Variants in DIAPH3 observed in about 807,000 individuals in gnomAD.
The protein encoded by DIAPH3 is protein diaphanous homolog 3.
A neutral mutation model predicts 144.3 loss-of-function variants in DIAPH3; 117 were observed. The ratio of observed to expected loss-of-function variants is 0.81; its 90% CI spans 0.70 to 0.95. DIAPH3 has a LOEUF of 0.95. Among genes scored for constraint, DIAPH3 ranks in the 40% least tolerant of loss-of-function variants. The probability of loss-of-function intolerance (pLI) is 0.00; values close to 1 mark genes in which losing one functional copy is unlikely to be tolerated. For missense variants in DIAPH3, 1,421 were observed against 1,412.7 expected (o/e 1.01, Z -0.09); for synonymous variants, 519 against 488.9 (o/e 1.06, Z -0.81).
chr13:59,703,836 AC>A (rs925537247), intron 27 of DIAPH3, among the ~76,000 whole-genome samples: 2 of 152,194 alleles, frequency 1.3e-5, no homozygotes, highest in African/African-American at 2.4e-5. Flanking sequence ...TATTAAAAAA[AC>A]AAAATATAAA....
chr13:59,984,409 T>G (rs550892788), intron 12 of DIAPH3, among the ~76,000 whole-genome samples: 6 of 151,854 alleles, frequency 4.0e-5, no homozygotes, highest in African/African-American at 1.4e-4. Flanking sequence ...CAAAGGGAAA[T>G]AGAAAAATTC....
intron 2 of DIAPH3, among the ~76,000 whole-genome samples, chr13:60,117,415 A>C (rs2058729705): frequency 6.6e-6 from 1 of 152,084 alleles, no homozygotes; most frequent in Non-Finnish European, 1.5e-5. Flanking sequence ...AAAAGAAAAA[A>C]ATAAGGAAAG....
chr13:59,808,336 C>T (rs554594534), intron 25 of DIAPH3, among the ~76,000 whole-genome samples: 10 of 151,772 alleles, frequency 6.6e-5, no homozygotes, highest in East Asian at 1.9e-4. Context: ...AACTTATAAA[C>T]GCTTTTTAAA....
intron 27 of DIAPH3, among the ~76,000 whole-genome samples, chr13:59,718,908 AC>A (rs1367054910): frequency 1.3e-5 from 2 of 151,546 alleles, no homozygotes; most frequent in Non-Finnish European, 2.9e-5. Context: ...TGACAATGCC[AC>A]CTCAAAATGT....
chr13:59,875,434 C>A (rs1313970562), intron 21 of DIAPH3, among the ~76,000 whole-genome samples: 1 of 151,394 alleles, frequency 6.6e-6, no homozygotes, highest in Non-Finnish European at 1.5e-5. Flanking sequence ...TTTTTCACAT[C>A]ATAAGGGTTC....
chr13:60,074,932 G>A (rs2057330219), intron 4 of DIAPH3, among the ~76,000 whole-genome samples: 1 of 152,048 alleles, frequency 6.6e-6, no homozygotes, highest in Non-Finnish European at 1.5e-5. Flanking sequence ...ACACAGTGCT[G>A]CAAGAACATG....
intron 2 of DIAPH3, among the ~76,000 whole-genome samples, chr13:60,122,416 A>C (rs542730842): frequency 1.5e-4 from 23 of 152,294 alleles, no homozygotes; most frequent in African/African-American, 4.6e-4. Flanking sequence ...ATATGTATAC[A>C]ATTCTTTAAA....
chr13:59,729,016 C>A (rs1366036204), intron 27 of DIAPH3, among the ~76,000 whole-genome samples: 2 of 151,902 alleles, frequency 1.3e-5, no homozygotes, highest in African/African-American at 4.9e-5. Context: ...AATAACTTCA[C>A]TAATCACAAT....
At chr13:59,834,798 T>C (rs557305602) in intron 23 of DIAPH3, among the ~76,000 whole-genome samples, 1 of 151,916 alleles carries the variant, frequency 6.6e-6, no homozygotes, top group South Asian at 2.1e-4. Flanking sequence ...TATAAAAATA[T>C]TGATATAAGC....
At chr13:60,057,710 G>C (rs1237052618) in intron 4 of DIAPH3, among the ~76,000 whole-genome samples, 1 of 151,804 alleles carries the variant, frequency 6.6e-6, no homozygotes, top group East Asian at 1.9e-4. Flanking sequence ...ACAGACCAAG[G>C]GAACAGCATA....
chr13:60,108,719 G>C (rs1200335915), intron 3 of DIAPH3, among the ~76,000 whole-genome samples: 1 of 152,158 alleles, frequency 6.6e-6, no homozygotes, highest in Admixed American at 6.5e-5. Context: ...ATGAAAGCTT[G>C]AACTAAAGCA....
At chr13:60,111,312 A>C (rs987892537) in intron 3 of DIAPH3, among the ~76,000 whole-genome samples, 14 of 152,226 alleles carry the variant, frequency 9.2e-5, no homozygotes, top group Non-Finnish European at 1.8e-4. Flanking sequence ...TTGCAAAAAG[A>C]ACCTGTTTAT....
rs553730886 is a variant in DIAPH3 at position 59,823,908 on chromosome 13, T to C, written c.3027+9199A>G. Among the ~76,000 whole-genome samples, 185 of 152,330 alleles carry C rather than the reference T, an allele frequency of 1.2e-3. 1 individual carries two copies. The highest frequency in any genetic ancestry group is 1.8e-3 in the Non-Finnish European group (125 of 68,036). ...ACTTTAGTCGGAGAATTCAGTAGAATAATAAATTATATTTGATCAACAGAT... is the reference window on the plus strand; with the variant it reads ...ACTTTAGTCGGAGAATTCAGTAGAACAATAAATTATATTTGATCAACAGAT... On this transcript the variant is annotated intron_variant, in intron 24 of 27. Coordinates refer to ENST00000400324, the MANE Select transcript of DIAPH3 (RefSeq NM_001042517.2).
chr13:60,022,998 T>C (rs1225159929), intron 5 of DIAPH3, among the ~76,000 whole-genome samples: 1 of 152,162 alleles, frequency 6.6e-6, no homozygotes, highest in African/African-American at 2.4e-5. Flanking sequence ...TTGGTTTTGT[T>C]TTGTTCTATC....
chr13:59,979,399 G>C (rs995839547), intron 14 of DIAPH3, among the ~76,000 whole-genome samples: 4 of 151,486 alleles, frequency 2.6e-5, no homozygotes, highest in African/African-American at 9.7e-5. Flanking sequence ...TACAATGTTG[G>C]CTGGGGGAAG....
At chr13:59,794,284 G>C (rs1479025566) in intron 25 of DIAPH3, among the ~76,000 whole-genome samples, 1 of 152,124 alleles carries the variant, frequency 6.6e-6, no homozygotes. Context: ...ATACAAACTT[G>C]AATTACCATT....
At chr13:60,126,725 T>C (rs1249213848) in intron 2 of DIAPH3, among the ~76,000 whole-genome samples, 1 of 152,048 alleles carries the variant, frequency 6.6e-6, no homozygotes, top group Non-Finnish European at 1.5e-5. Flanking sequence ...GGGAACTAAA[T>C]TACAAATCAG....
chr13:60,053,054 C>T (rs1045588647), intron 4 of DIAPH3, among the ~76,000 whole-genome samples: 3 of 147,888 alleles, frequency 2.0e-5, no homozygotes, highest in Non-Finnish European at 3.0e-5. Context: ...ACCAGAGAGA[C>T]TATTTTTCAA....
chr13:60,140,524 A>G (rs1318847902), intron 1 of DIAPH3, among the ~76,000 whole-genome samples: 1 of 152,210 alleles, frequency 6.6e-6, no homozygotes, highest in African/African-American at 2.4e-5. Flanking sequence ...GGTACATGAA[A>G]AAAAGTGCAT....
Sources: gnomAD v4.1 joint callset for allele counts (sites outside exome capture counted in the v4.1 genomes callset) on GRCh38, gnomAD v4.1.1 for gene constraint, MANE v1.5 for transcripts, NCBI Gene and HGNC (gene_info 2026-07-23, HGNC 2026-07-21) for gene names.